The following ZNF577 variants were observed in gnomAD, a reference collection of about 807,000 sequenced individuals.
The protein encoded by ZNF577 is zinc finger protein 577.
In ZNF577, 14 loss-of-function variants were observed where a neutral mutation model predicts 13.9. The ratio of observed to expected loss-of-function variants is 1.00; its 90% confidence interval spans 0.66 to 1.57. The LOEUF (loss-of-function observed/expected upper bound fraction) is 1.57. Ranked by LOEUF, ZNF577 falls within the 40% of genes most tolerant of loss-of-function variation. The pLI is 0.00. For synonymous variants in ZNF577, 203 were observed against 202.9 expected (o/e 1.00, Z 0.00); for missense variants, 555 against 579.2 (o/e 0.96, Z 0.43).
chr19:51,872,448 T>C lies in ZNF577; in HGVS notation c.*84A>G. The C allele has an allele frequency of 8.6e-7, 1 of 1,161,964 alleles. No homozygotes were observed. Among genetic ancestry groups the C allele is most frequent in the Non-Finnish European group, 1.2e-6 (1 of 846,462 alleles). 72.0% of individuals were successfully genotyped at this position (1,161,964 alleles called of 1,614,324 possible). Reference sequence around the variant, plus strand: ...CTCCACAACCACTGCCTCCACAGTGTTTCAGCCCTAAATGAGCTCTCTGGG... The same window carrying C: ...CTCCACAACCACTGCCTCCACAGTGCTTCAGCCCTAAATGAGCTCTCTGGG... On this transcript the variant is annotated 3_prime_UTR_variant, in exon 6 of 6. Transcript: ENST00000638348.
intron 9 of ZNF577, among the ~76,000 whole-genome samples, chr19:51,826,532 A>G (rs2084232890): frequency 6.6e-6 from 1 of 152,168 alleles, no homozygotes; most frequent in East Asian, 1.9e-4. Context: ...GTGATTTTCA[A>G]ATTCAAGGAA....
Position 51,868,328 on chromosome 19 carries a change from T to A in ZNF577, c.*4204A>T, listed in dbSNP as rs571736952. On this transcript the variant is annotated 3_prime_UTR_variant, in exon 6 of 6. Transcript: ENST00000638348. ...ACACCTAAAAAAGTTTCATCTGGGG[T>A]GTAAAAGGAGAAAGTCAGCAGAGTA... 7.3e-4 allele frequency among the ~76,000 whole-genome samples: 110 copies of A among 151,528 alleles called. No individual in the cohort carries two copies. The highest frequency in any genetic ancestry group is 2.5e-3 in the African/African-American group (105 of 41,274).
chr19:51,862,927 C>A (rs1298323749), downstream of ZNF577: 1 of 152,228 alleles, frequency 6.6e-6, no homozygotes, highest in Non-Finnish European at 1.5e-5. Context: ...TGAATGATTT[C>A]TTTGACATAA....
chr19:51,820,449 A>G (rs1488394906), intron 9 of ZNF577, among the ~76,000 whole-genome samples: 2 of 152,228 alleles, frequency 1.3e-5, no homozygotes, highest in Non-Finnish European at 2.9e-5. Flanking sequence ...AGCAGCCCTC[A>G]TAATCAGTAC....
chr19:51,836,028 C>CA lies in ZNF577; in HGVS notation c.*599+3864dup, dbSNP rs747423052. On this transcript the variant is annotated intron_variant and NMD_transcript_variant, in intron 9 of 10. Transcript: ENST00000638827. ...TATCTTAAGTAATGTTTGGATCATG[C>CA]AATTTTAAAGTGACACATACTTTAC... Among the ~76,000 whole-genome samples the CA allele has an allele frequency of 2.0e-5, 3 of 152,082 alleles. No homozygotes were observed. In the East Asian group the frequency reaches 5.8e-4, roughly 29 times the overall value.
intron 10 of ZNF577, among the ~76,000 whole-genome samples, chr19:51,809,233 A>T (rs996054849): frequency 1.3e-4 from 20 of 152,230 alleles, no homozygotes; most frequent in Non-Finnish European, 2.6e-4. Flanking sequence ...AAAGTACATG[A>T]CTGTCCATCT....
At chr19:51,858,975 C>T (rs892121538) in intron 5 of ZNF577, among the ~76,000 whole-genome samples, 1 of 152,216 alleles carries the variant, frequency 6.6e-6, no homozygotes, top group African/African-American at 2.4e-5. Flanking sequence ...AAACCCCATA[C>T]ATACTACGCA....
At chr19:51,822,203 A>G (rs2084195011) in intron 9 of ZNF577, among the ~76,000 whole-genome samples, 1 of 152,186 alleles carries the variant, frequency 6.6e-6, no homozygotes, top group African/African-American at 2.4e-5. Flanking sequence ...AAAGCAAGGA[A>G]ATAGATCCCA....
At chr19:51,839,255 G>A (rs545241165) in intron 9 of ZNF577, among the ~76,000 whole-genome samples, 3 of 152,204 alleles carry the variant, frequency 2.0e-5, no homozygotes, top group Admixed American at 6.5e-5. Context: ...TTAGCCAGGC[G>A]TGGTTGAGCA....
chr19:51,821,834 G>C (rs2084192190), intron 9 of ZNF577, among the ~76,000 whole-genome samples: 1 of 151,944 alleles, frequency 6.6e-6, no homozygotes, highest in South Asian at 2.1e-4. Flanking sequence ...GTACAAAAAG[G>C]GGTAATGATG....
chr19:51,853,088 C>T lies in ZNF577; in HGVS notation c.284-8157G>A, dbSNP rs911536607. 7.2e-5 allele frequency among the ~76,000 whole-genome samples: 11 copies of T among 152,180 alleles called. No individual in the cohort carries two copies. The South Asian group carries it at 1.0e-3, about 14-fold the overall frequency. ...AGTAGCAGGGATGACAGGCACAGGC[C>T]GCCCCACCCAGCTAATTTTTGTATT... On this transcript the variant is annotated intron_variant and NMD_transcript_variant, in intron 5 of 10. Coordinates refer to the ZNF577 transcript ENST00000638827.
At position 51,872,495 on chromosome 19, in the gene ZNF577, T is replaced by A. The variant is rs752583519; in HGVS notation, c.*37A>T. On this transcript the variant is annotated 3_prime_UTR_variant, in exon 6 of 6. Coordinates refer to ENST00000638348, the MANE Select transcript of ZNF577 (RefSeq NM_001370449.1). ...TGGGATATAATGGCTGGAGGATTCC[T>A]ACTAAAGATTTTCCCACCTTTCTGG... 1.4e-6 allele frequency: 2 copies of A among 1,470,264 alleles called. No homozygotes were observed. The highest frequency in any genetic ancestry group is 1.8e-6 in the Non-Finnish European group (2 of 1,102,546). The allele number at this position is 1,470,264 out of a possible 1,614,324, so 91.1% of individuals were successfully genotyped here.
chr19:51,887,011 CTAAG>C lies in ZNF577; in HGVS notation c.-413_-410del, dbSNP rs1408274703. The stretch of plus-strand genomic sequence containing the variant: ...TATTTTTAACTTCTGTTCTTGTCAA[CTAAG>C]TAAAATTAGGAACAAAAAAGGAAAG... On this transcript the variant is annotated 5_prime_UTR_variant, in exon 1 of 6. Transcript: ENST00000638348. 2.6e-5 allele frequency: 4 copies of C among 151,766 alleles called. No homozygotes were observed. Among genetic ancestry groups the C allele is most frequent in the South Asian group, 4.2e-4 (2 of 4,806 alleles). 9.4% of individuals were successfully genotyped at this position (151,766 alleles called of 1,614,324 possible).
rs2084801593 is a variant in ZNF577 at position 51,878,382 on chromosome 19, T to C, written c.187+7A>G. ...GAAAAGGTAAGTGACGGCAATGCTG[T>C]CCTTACCTATTGATACTAGGTTGAT... On this transcript the variant is annotated splice_region_variant and intron_variant, in intron 4 of 5. Coordinates refer to ENST00000638348, the MANE Select transcript of ZNF577 (RefSeq NM_001370449.1). The C allele has an allele frequency of 6.2e-7, 1 of 1,613,592 alleles. No homozygotes were observed. The highest frequency in any genetic ancestry group is 8.5e-7 in the Non-Finnish European group (1 of 1,179,708).
Position 51,868,623 on chromosome 19 carries a change from C to T in ZNF577, c.*3909G>A, listed in dbSNP as rs1237779654. On this transcript the variant is annotated 3_prime_UTR_variant, in exon 6 of 6. Transcript: ENST00000638348. ...GCCAATTCCCTCATAATGTTGCCTA[C>T]AGAAGCCCCAGCAAGCACCGGCTAA... Among the ~76,000 whole-genome samples the T allele has an allele frequency of 3.9e-5, 6 of 152,186 alleles. No individual in the cohort carries two copies. In the South Asian group the frequency reaches 8.3e-4, roughly 21 times the overall value.
chr19:51,824,099 C>T lies in ZNF577; in HGVS notation c.*600-12425G>A. ...TGTTTGTCAGTGTCTACCTGATCAC[C>T]ATCATTGCTCTGGACCGCTGTATTT... On this transcript the variant is annotated intron_variant and NMD_transcript_variant, in intron 9 of 10. Coordinates refer to the ZNF577 transcript ENST00000638827. This position sits in a 1 kb window ranked among gnomAD's most constrained non-coding sequence, Gnocchi z 4.7. 1.2e-6 allele frequency: 2 copies of T among 1,614,024 alleles called. No homozygotes were observed. Among genetic ancestry groups the T allele is most frequent in the South Asian group, 2.2e-5 (2 of 91,062 alleles).
At chr19:51,881,251 G>T (rs1204157962) in intron 1 of ZNF577, among the ~76,000 whole-genome samples, 1 of 152,020 alleles carries the variant, frequency 6.6e-6, no homozygotes, top group African/African-American at 2.4e-5. Flanking sequence ...GGCTGAGATG[G>T]GTGGATCTCA....
At chr19:51,845,003 TTTC>T (rs1434577961) in intron 5 of ZNF577, 3 of 152,200 alleles carry the variant, frequency 2.0e-5, no homozygotes, top group African/African-American at 7.2e-5. Context: ...TAAAAAGACT[TTTC>T]TTTTTAAAAT....
intron 5 of ZNF577, among the ~76,000 whole-genome samples, chr19:51,851,030 T>C (rs1738370593): frequency 6.6e-6 from 1 of 152,246 alleles, no homozygotes; most frequent in Admixed American, 6.5e-5. Flanking sequence ...TTTAAAATTA[T>C]GGAAAGTTCT....
Sources: gnomAD v4.1 joint callset for allele counts (sites outside exome capture counted in the v4.1 genomes callset) on GRCh38, gnomAD v4.1.1 for gene constraint, Gnocchi (gnomAD v3.1) non-coding constraint, MANE v1.5 for transcripts, NCBI Gene and HGNC (gene_info 2026-07-23, HGNC 2026-07-21) for gene names.